The following KLHDC8B variants were observed in gnomAD, a reference collection of about 807,000 sequenced individuals.
KLHDC8B encodes the protein kelch domain-containing protein 8B.
KLHDC8B carries 19 observed loss-of-function variants against 26.3 expected under a neutral mutation model. That is an observed-to-expected ratio of 0.72 (90% CI 0.50 to 1.06). The LOEUF (loss-of-function observed/expected upper bound fraction) is 1.06. KLHDC8B is among the 50% of genes least tolerant of loss of function. The pLI, the probability that KLHDC8B is intolerant of heterozygous loss-of-function variation, is 0.00. For synonymous variants in KLHDC8B, 150 were observed against 188.4 expected (o/e 0.80, Z 1.67); for missense variants, 411 against 488.1 (o/e 0.84, Z 1.49).
At chr3:49,173,374 A>G (rs2045787761) in intron 2 of KLHDC8B, among the ~76,000 whole-genome samples, 1 of 152,098 alleles carries the variant, frequency 6.6e-6, no homozygotes, top group African/African-American at 2.4e-5. Context: ...TCCCAGGATG[A>G]TGGGAGACCC....
intron 2 of KLHDC8B, among the ~76,000 whole-genome samples, chr3:49,173,967 C>T (rs1291321431): frequency 6.6e-6 from 1 of 152,190 alleles, no homozygotes; most frequent in Non-Finnish European, 1.5e-5. Context: ...GCTTGGATGC[C>T]AGACTCTGTT....
chr3:49,174,689 G>A lies in KLHDC8B; in HGVS notation c.542-53G>A. 10 of 1,547,358 alleles carry A rather than the reference G, an allele frequency of 6.5e-6. No homozygotes were observed. In the South Asian group the frequency reaches 1.3e-4, roughly 19 times the overall value. On this transcript the variant is annotated intron_variant, in intron 3 of 5. Transcript: ENST00000332780. ...GCAGATTAGCAACCTAGTGAGCAAG[G>A]AGCCCACCAAGCCTCCTGGGCTCCT... is the stretch of plus-strand genomic sequence containing the variant.
chr3:49,175,767 C>A lies in KLHDC8B; in HGVS notation c.1031C>A (p.Ala344Asp). 6.2e-7 allele frequency: 1 copy of A among 1,614,026 alleles called. No individual in the cohort carries two copies. Among genetic ancestry groups the A allele is most frequent in the Non-Finnish European group, 8.5e-7 (1 of 1,179,998 alleles). Residue 344 changes from alanine to aspartate, a missense_variant, in exon 6 of 6, where the codon GCC becomes GAC. Ala to Asp is a moderately radical substitution (Grantham distance 126, BLOSUM62 -2). Transcript: ENST00000332780. ...GGTGTGGCCCAGGGCCCCAGTCAAG[C>A]CGTGGAGGCACTGTGTCTGCGTGAT... ...IGGVAQGPSQAVEALCLRDGV is the reference protein window; with the variant it reads ...IGGVAQGPSQDVEALCLRDGV
chr3:49,175,376 A>G (rs1175208895), intron 5 of KLHDC8B, among the ~76,000 whole-genome samples: 1 of 152,362 alleles, frequency 6.6e-6, no homozygotes, highest in East Asian at 1.9e-4. Flanking sequence ...AAGCACCAGC[A>G]AGGGTCTACG....
intron 2 of KLHDC8B, 35 bp downstream of exon 2, chr3:49,173,180 C>G: frequency 6.5e-7 from 1 of 1,527,902 alleles, no homozygotes; most frequent in Admixed American, 2.0e-5. Flanking sequence ...CTTCAGGTAC[C>G]CTAACACCTT....
At chr3:49,172,530 T>G (rs2045776669) in intron 1 of KLHDC8B, 106 bp from the exon 2 acceptor site, 2 of 559,142 alleles carry the variant, frequency 3.6e-6, no homozygotes, top group Non-Finnish European at 6.4e-6. Context: ...CCCCTGCCTT[T>G]CCCACCAGTG....
Position 49,173,370 on chromosome 3 carries a change from G to A in KLHDC8B, c.376+225G>A, listed in dbSNP as rs554913831. On this transcript the variant is annotated intron_variant, in intron 2 of 5. Coordinates refer to ENST00000332780, the MANE Select transcript of KLHDC8B (RefSeq NM_173546.3). ...GAGGCAGAGCCCAAGCCGATCCCAG[G>A]ATGATGGGAGACCCCAGCCATGTTC... 1.2e-4 allele frequency among the ~76,000 whole-genome samples: 18 copies of A among 152,236 alleles called. No homozygotes were observed. The East Asian group carries it at 3.5e-3, about 29-fold the overall frequency.
At chr3:49,172,163 C>G (rs1371905304) in intron 1 of KLHDC8B, among the ~76,000 whole-genome samples, 1 of 152,102 alleles carries the variant, frequency 6.6e-6, no homozygotes, top group Admixed American at 6.5e-5. Context: ...GGAATGGCCC[C>G]CAGGATGTTG....
chr3:49,175,087 C>A lies in KLHDC8B; in HGVS notation c.792C>A (p.Ser264Arg). The change falls in exon 5 of 6, where the codon AGC becomes AGA. Residue 264 changes from serine (S) to arginine (R), a missense_variant. By Grantham distance (110) the Ser-to-Arg change is moderately radical. Coordinates refer to ENST00000332780, the MANE Select transcript of KLHDC8B (RefSeq NM_173546.3). Reference protein sequence around the residue: ...EHGSWTKLPRSLRMRDKRADF... With the variant: ...EHGSWTKLPRRLRMRDKRADF... ...GGTCCTGGACCAAATTGCCCCGCAG[C>A]CTGCGCATGAGGGATAAGAGGGCAG... is the stretch of plus-strand genomic sequence containing the variant. 1 of 1,614,156 alleles carries A rather than the reference C, an allele frequency of 6.2e-7. No homozygotes were observed. The highest frequency in any genetic ancestry group is 8.5e-7 in the Non-Finnish European group (1 of 1,180,008).
Position 49,174,394 on chromosome 3 carries a change from T to C in KLHDC8B, c.532T>C (p.Tyr178His), listed in dbSNP as rs201859787. ...ASTFLHGNKI[Y>H]VLGGRQGKLP... The stretch of plus-strand genomic sequence containing the variant: ...CACCTTCCTGCACGGGAACAAGATC[T>C]ATGTCCTGGGTAAGGGCCTGGGGAA... The change falls in exon 3 of 6, where the codon TAT becomes CAT. Residue 178 changes from tyrosine (Y) to histidine (H), a missense_variant. By Grantham distance (83) the Tyr-to-His change is moderately conservative (BLOSUM62 2). Coordinates refer to ENST00000332780, the MANE Select transcript of KLHDC8B (RefSeq NM_173546.3). The C allele has an allele frequency of 3.1e-6, 5 of 1,612,986 alleles. No individual in the cohort carries two copies. The Admixed American group carries it at 6.7e-5, about 22-fold the overall frequency.
intron 1 of KLHDC8B, among the ~76,000 whole-genome samples, 184 bp downstream of exon 1, chr3:49,171,869 T>C (rs903209309): frequency 6.6e-6 from 1 of 152,162 alleles, no homozygotes; most frequent in Admixed American, 6.5e-5. Flanking sequence ...CTTGGGGATC[T>C]CCTGCGAGGG....
rs368130572 is a variant in KLHDC8B at position 49,174,803 on chromosome 3, A to G, written c.603A>G (p.Thr201=). Residue 201 remains threonine, a synonymous_variant, in exon 4 of 6, where the codon ACA becomes ACG. Coordinates refer to ENST00000332780, the MANE Select transcript of KLHDC8B (RefSeq NM_173546.3). ...AFEAFDLEAR[T]WTRHPSLPSR... Reference sequence around the variant, plus strand: ...AAGCCTTTGATCTGGAGGCCCGTACATGGACCCGGCATCCAAGCCTACCCA... The same window carrying G: ...AAGCCTTTGATCTGGAGGCCCGTACGTGGACCCGGCATCCAAGCCTACCCA... 2.4e-5 allele frequency: 38 copies of G among 1,613,846 alleles called. No individual in the cohort carries two copies. The highest frequency in any genetic ancestry group is 3.3e-5 in the South Asian group (3 of 91,080).
rs1054946407 is a variant in KLHDC8B at position 49,172,813 on chromosome 3, C to T, written c.44C>T (p.Pro15Leu). Residue 15 changes from proline to leucine, a missense_variant, in exon 2 of 6, where the codon CCC (proline) becomes CTC (leucine). Transcript: ENST00000332780. ...CGGGCCTTTGCTTGGCAAGTGTTCC[C>T]CCCCATGCCCACTTGCCGGGTCTAT... ...GGRAFAWQVF[P>L]PMPTCRVYGT... 3 of 1,613,992 alleles carry T rather than the reference C, an allele frequency of 1.9e-6. No individual in the cohort carries two copies. Among genetic ancestry groups the T allele is most frequent in the Non-Finnish European group, 2.5e-6 (3 of 1,179,966 alleles).
rs752058213 is a variant in KLHDC8B at position 49,173,084 on chromosome 3, C to T, written c.315C>T (p.Gly105=). 2.5e-6 allele frequency: 4 copies of T among 1,592,522 alleles called. No homozygotes were observed. Among genetic ancestry groups the T allele is most frequent in the African/African-American group, 2.7e-5 (2 of 74,458 alleles). The change falls in exon 2 of 6, where the codon GGC becomes GGT. Residue 105 remains glycine, a synonymous_variant. Coordinates refer to ENST00000332780, the MANE Select transcript of KLHDC8B (RefSeq NM_173546.3). The part of the protein sequence containing the change: ...AAVEAFLMDE[G]RWERRATLPQ... ...TAGAGGCCTTCCTGATGGATGAGGG[C>T]CGCTGGGAGCGTCGGGCCACCCTCC...
At chr3:49,175,479 G>A in intron 5 of KLHDC8B, 126 bp from the exon 6 acceptor site, 1 of 706,050 alleles carries the variant, frequency 1.4e-6, no homozygotes, top group Non-Finnish European at 2.5e-6. Flanking sequence ...TAGGCAATGA[G>A]GAGCAAGGCC....
In KLHDC8B at chr3:49,172,892, G is replaced by A. The variant is rs1237283828; in HGVS notation, c.123G>A (p.Arg41=). Residue 41 remains arginine, a synonymous_variant, in exon 2 of 6, where the codon CGG becomes CGA. Coordinates refer to ENST00000332780, the MANE Select transcript of KLHDC8B (RefSeq NM_173546.3). ...GHLLVLGGCG[R]AGLPLDTAET... is the part of the protein sequence containing the mutation. The stretch of plus-strand genomic sequence containing the variant: ...TGCTGGTGTTGGGGGGTTGTGGCCG[G>A]GCTGGACTGCCCCTGGACACTGCTG... 1 of 1,614,126 alleles carries A rather than the reference G, an allele frequency of 6.2e-7. No homozygotes were observed. Among genetic ancestry groups the A allele is most frequent in the South Asian group, 1.1e-5 (1 of 91,084 alleles).
At position 49,172,837 on chromosome 3, in the gene KLHDC8B, A is replaced by G. The variant is rs747102634; in HGVS notation, c.68A>G (p.Tyr23Cys). ...VFPPMPTCRV[Y>C]GTVAHQDGHL... Reference sequence around the variant, plus strand: ...CCCCCCATGCCCACTTGCCGGGTCTATGGCACAGTGGCACACCAAGATGGG... The same window carrying G: ...CCCCCCATGCCCACTTGCCGGGTCTGTGGCACAGTGGCACACCAAGATGGG... The change falls in exon 2 of 6, where the codon TAT (tyrosine) becomes TGT (cysteine). Residue 23 changes from tyrosine to cysteine, a missense_variant. Physicochemically the swap from Tyr to Cys is radical, Grantham distance 194 (BLOSUM62 -2). Transcript: ENST00000332780. 11 of 1,613,940 alleles carry G rather than the reference A, an allele frequency of 6.8e-6. No individual in the cohort carries two copies. Among genetic ancestry groups the G allele is most frequent in the African/African-American group, 4.0e-5 (3 of 74,902 alleles).
At position 49,175,144 on chromosome 3, in the gene KLHDC8B, T is replaced by A; in HGVS notation, c.849T>A (p.Ile283=). ...DFVVGSLGGH[I]VAIGGLGNQP... is the part of the protein sequence containing the mutation. ...TGGTTGGGTCCCTTGGGGGCCACAT[T>A]GTGGCCATTGGGGGCCTTGGTAAGT... is the stretch of plus-strand genomic sequence containing the variant. The change falls in exon 5 of 6, where the codon ATT becomes ATA. Residue 283 remains isoleucine, a synonymous_variant. Coordinates refer to ENST00000332780, the MANE Select transcript of KLHDC8B (RefSeq NM_173546.3). 1 of 1,614,062 alleles carries A rather than the reference T, an allele frequency of 6.2e-7. No homozygotes were observed. Among genetic ancestry groups the A allele is most frequent in the Non-Finnish European group, 8.5e-7 (1 of 1,179,980 alleles).
intron 5 of KLHDC8B, 58 bp downstream of exon 5, chr3:49,175,221 C>T: frequency 2.8e-6 from 4 of 1,404,150 alleles, no homozygotes; most frequent in Non-Finnish European, 4.0e-6. Flanking sequence ...AGACTAGCCC[C>T]CAGCATGTGT....
Sources: allele counts gnomAD v4.1 joint callset (sites outside exome capture counted in the v4.1 genomes callset), GRCh38; gene constraint gnomAD v4.1.1; transcripts MANE v1.5; gene names NCBI Gene and HGNC (gene_info 2026-07-23, HGNC 2026-07-21).